Variants in NUCB1 observed in about 807,000 individuals in gnomAD.
The protein encoded by NUCB1 is nucleobindin-1.
A neutral mutation model predicts 61.2 loss-of-function variants in NUCB1; 47 were observed. The observed-to-expected ratio is 0.77, with a 90% CI of 0.61 to 0.98. NUCB1 has a LOEUF of 0.98. NUCB1 is among the 50% of genes least tolerant of loss of function. NUCB1 has a pLI of 0.00. For synonymous variants in NUCB1, 234 were observed against 243.1 expected (o/e 0.96, Z 0.35); for missense variants, 583 against 605.3 (o/e 0.96, Z 0.39).
intron 5 of NUCB1, among the ~76,000 whole-genome samples, chr19:48,912,256 G>T (rs1340652253): frequency 6.6e-6 from 1 of 151,768 alleles, no homozygotes; most frequent in African/African-American, 2.4e-5. Flanking sequence ...GAACTCCCGG[G>T]CTCGAGTGAT....
intron 4 of NUCB1, among the ~76,000 whole-genome samples, chr19:48,910,075 ATTTAT>A (rs777944382): frequency 4.6e-5 from 7 of 151,672 alleles, no homozygotes; most frequent in Non-Finnish European, 8.8e-5. Flanking sequence ...GTATGTATGT[ATTTAT>A]TTTATTTATT....
In NUCB1 at chr19:48,913,045, A is replaced by G. The variant is rs1209903782; in HGVS notation, c.515A>G (p.His172Arg). 3.1e-6 allele frequency: 5 copies of G among 1,613,604 alleles called. No homozygotes were observed. Among genetic ancestry groups the G allele is most frequent in the Non-Finnish European group, 4.2e-6 (5 of 1,179,926 alleles). The change falls in exon 6 of 13, where the codon CAT becomes CGT. Residue 172 changes from histidine (H) to arginine (R), a missense_variant. His to Arg is a conservative substitution (Grantham distance 29, BLOSUM62 0). Transcript: ENST00000405315. ...TRDLAQYDAA[H>R]HEEFKRYEML... Reference sequence around the variant, plus strand: ...GACCTTGCCCAGTACGACGCAGCCCATCATGAAGAGTTCAAGCGCTACGAG... The same window carrying G: ...GACCTTGCCCAGTACGACGCAGCCCGTCATGAAGAGTTCAAGCGCTACGAG...
At chr19:48,912,019 C>CTT (rs60333122) in intron 5 of NUCB1, among the ~76,000 whole-genome samples, 62 of 128,598 alleles carry the variant, frequency 4.8e-4, no homozygotes, top group Middle Eastern at 4.0e-3. Flanking sequence ...TTTATTTTTA[C>CTT]TTTTTTTTTT....
chr19:48,907,344 C>T (rs372803817), intron 4 of NUCB1, among the ~76,000 whole-genome samples: 30 of 146,280 alleles, frequency 2.1e-4, no homozygotes, highest in Non-Finnish European at 3.3e-4. Context: ...GGCGCGATCT[C>T]GGCTCACTGC....
At chr19:48,909,533 C>T (rs1377952348) in intron 4 of NUCB1, among the ~76,000 whole-genome samples, 1 of 151,888 alleles carries the variant, frequency 6.6e-6, no homozygotes, top group African/African-American at 2.4e-5. Context: ...AGGTGTGAGC[C>T]ACCGCGCCCG....
At chr19:48,921,967 G>T (rs764281168) in intron 12 of NUCB1, 35 bp downstream of exon 12, 122 of 1,502,014 alleles carry the variant, frequency 8.1e-5, no homozygotes, top group Non-Finnish European at 1.1e-4. Flanking sequence ...GGGGCTGCAG[G>T]GCTGGACCCC....
intron 7 of NUCB1, among the ~76,000 whole-genome samples, chr19:48,916,068 C>T (rs996976996): frequency 6.6e-6 from 1 of 152,166 alleles, no homozygotes; most frequent in African/African-American, 2.4e-5. Context: ...CACTCGCCCT[C>T]CCCTTCTTTC....
intron 10 of NUCB1, 49 bp downstream of exon 10, chr19:48,919,335 C>G: frequency 7.1e-7 from 1 of 1,408,512 alleles, no homozygotes; most frequent in Non-Finnish European, 1.0e-6. Context: ...TCTCTTCTAG[C>G]CATGACCTTT....
intron 4 of NUCB1, 132 bp from the exon 5 acceptor site, chr19:48,911,017 G>A (rs2037465452): frequency 8.0e-6 from 5 of 627,672 alleles, no homozygotes; most frequent in Non-Finnish European, 1.4e-5. Flanking sequence ...AGCCTTCCCT[G>A]ATTGCCCCAG....
chr19:48,920,232 C>T (rs542465422), intron 10 of NUCB1, among the ~76,000 whole-genome samples: 3 of 152,110 alleles, frequency 2.0e-5, no homozygotes, highest in East Asian at 3.9e-4. Context: ...CAGCCTCAAA[C>T]TCCTGTCCTC....
chr19:48,905,936 G>A (rs956931678), intron 4 of NUCB1, 51 bp downstream of exon 4: 5 of 1,468,434 alleles, frequency 3.4e-6, no homozygotes, highest in Non-Finnish European at 4.6e-6. Context: ...GGGGAAGGGT[G>A]GCCTCACTCC....
chr19:48,905,467 C>T (rs1395607407), intron 3 of NUCB1, among the ~76,000 whole-genome samples: 1 of 152,084 alleles, frequency 6.6e-6, no homozygotes, highest in Non-Finnish European at 1.5e-5. Flanking sequence ...TGAGATCCTC[C>T]CACCTCAGCC....
rs185726548 is a variant in NUCB1 at position 48,902,276 on chromosome 19, A to G, written c.135+1345A>G. ...CAGGCGCACACCACCACGCCCATCT[A>G]ATTTTTGTATTTTTAGTAGAGACGG... On this transcript the variant is annotated intron_variant, in intron 2 of 12. Transcript: ENST00000405315. 6.7e-3 allele frequency among the ~76,000 whole-genome samples: 1,014 copies of G among 151,706 alleles called. 8 individuals are homozygous for G. The highest frequency in any genetic ancestry group is 0.011 in the Non-Finnish European group (765 of 67,918).
chr19:48,913,348 T>TGTAGTTTTC (rs1428228230), intron 6 of NUCB1, 126 bp from the exon 7 acceptor site: 49 of 1,213,764 alleles, frequency 4.0e-5, no homozygotes, highest in Non-Finnish European at 5.7e-5. Context: ...TGCTGGGAGT[T>TGTAGTTTTC]GTAGTTTTCT....
rs751142235 is a variant in NUCB1, at chr19:48,921,282, G to C, written c.1131G>C (p.Arg377=). The C allele has an allele frequency of 2.5e-6, 4 of 1,602,366 alleles. No individual in the cohort carries two copies. The South Asian group carries it at 4.5e-5, about 18-fold the overall frequency. ...RLSQETEALG[R]SQGRLEAQKR... is the part of the protein sequence containing the mutation. ...GCCAGGAGACAGAGGCTCTAGGGCGGTCCCAGGGCCGCCTGGAGGCCCAGA... is the reference window on the plus strand; with the variant it reads ...GCCAGGAGACAGAGGCTCTAGGGCGCTCCCAGGGCCGCCTGGAGGCCCAGA... The change falls in exon 11 of 13, where the codon CGG becomes CGC. Residue 377 remains arginine (R), a synonymous_variant. Transcript: ENST00000405315.
Position 48,922,722 on chromosome 19 carries a change from C to T in NUCB1, c.*298C>T, listed in dbSNP as rs998612128. Reference sequence around the variant, plus strand: ...AAGCCCGCCCCCTCCCCTTCTCCGTCTGTCCCAAGAGGGTCTGCTCTGAGC... The same window carrying T: ...AAGCCCGCCCCCTCCCCTTCTCCGTTTGTCCCAAGAGGGTCTGCTCTGAGC... On this transcript the variant is annotated 3_prime_UTR_variant, in exon 13 of 13. Transcript: ENST00000405315. 2.7e-6 allele frequency: 1 copy of T among 366,702 alleles called. No individual in the cohort carries two copies. Among genetic ancestry groups the T allele is most frequent in the African/African-American group, 2.1e-5 (1 of 47,656 alleles). The allele number at this position is 366,702 out of a possible 1,614,324, so 22.7% of individuals were successfully genotyped here.
Position 48,922,544 on chromosome 19 carries a change from G to A in NUCB1, c.*120G>A. On this transcript the variant is annotated 3_prime_UTR_variant, in exon 13 of 13. Transcript: ENST00000405315. ...GTCATGTTGGGCTCCTGGGGCGGGG[G>A]CACGGCCTGGCATTTCACGCATTGC... is the stretch of plus-strand genomic sequence containing the variant. 1.3e-6 allele frequency: 1 copy of A among 744,718 alleles called. No homozygotes were observed. The highest frequency in any genetic ancestry group is 2.3e-6 in the Non-Finnish European group (1 of 442,584). The allele number at this position is 744,718 out of a possible 1,614,324, so 46.1% of individuals were successfully genotyped here. A position where few individuals can be genotyped will look rare whatever the true frequency, so the allele number is the denominator to read the frequency against.
chr19:48,904,531 T>G lies in NUCB1; in HGVS notation c.243+77T>G, dbSNP rs939763690. Reference sequence around the variant, plus strand: ...AGTTCAGGGGAGGACTGGTTTCTTTTTTTTTTTTTTTGAGACGGAGTCTTG... The same window carrying G: ...AGTTCAGGGGAGGACTGGTTTCTTTGTTTTTTTTTTTGAGACGGAGTCTTG... On this transcript the variant is annotated intron_variant, in intron 3 of 12. Coordinates refer to ENST00000405315, the MANE Select transcript of NUCB1 (RefSeq NM_006184.6). 1.6e-4 allele frequency: 132 copies of G among 849,132 alleles called. 1 individual carries two copies. Among genetic ancestry groups the G allele is most frequent in the Admixed American group, 1.6e-4 (6 of 38,270 alleles). 52.6% of individuals were successfully genotyped at this position (849,132 alleles called of 1,614,324 possible). A position where few individuals can be genotyped will look rare whatever the true frequency, so the allele number is the denominator to read the frequency against.
intron 4 of NUCB1, chr19:48,910,862 G>T (rs1044335758): frequency 1.0e-4 from 27 of 259,182 alleles, no homozygotes; most frequent in Non-Finnish European, 1.6e-4. Flanking sequence ...CTTGTTGTCA[G>T]GATTTTGTGG....
Sources: allele counts gnomAD v4.1 joint callset (sites outside exome capture counted in the v4.1 genomes callset), GRCh38; gene constraint gnomAD v4.1.1; transcripts MANE v1.5; gene names NCBI Gene and HGNC (gene_info 2026-07-23, HGNC 2026-07-21).